Variants in MBD5 observed in about 807,000 individuals in gnomAD.
The protein encoded by MBD5 is methyl-CpG-binding domain protein 5.
MBD5 carries 13 observed loss-of-function variants against 117.3 expected under a neutral mutation model. The observed-to-expected ratio is 0.11, with a 90% CI of 0.07 to 0.18. MBD5 has a LOEUF of 0.18. Among genes scored for constraint, MBD5 ranks in the 10% least tolerant of loss-of-function variants. The pLI is 1.00. For missense variants in MBD5, 1,879 were observed against 2,093.8 expected, an observed-to-expected ratio of 0.90 and a Z score of 2.00; for synonymous variants, 727 against 766.4, an observed-to-expected ratio of 0.95 and a Z score of 0.85.
rs1308757459 is a variant in MBD5 at position 148,127,257 on chromosome 2, G to C, written c.-924-51443G>C. On this transcript the variant is annotated intron_variant, in intron 1 of 13. Coordinates refer to ENST00000642680, the MANE Select transcript of MBD5 (RefSeq NM_001378120.1). ...TCTTCAGCTTTTATTTCAAGTTCTG[G>C]GGTACTTGCGCAGGATATGCAGGTT... Among the ~76,000 whole-genome samples, 3 of 152,152 alleles carry C rather than the reference G, an allele frequency of 2.0e-5. 1 individual carries two copies. Among genetic ancestry groups the C allele is most frequent in the Non-Finnish European group, 4.4e-5 (3 of 67,988 alleles).
intron 4 of MBD5, among the ~76,000 whole-genome samples, chr2:148,362,627 C>T (rs1303222341): frequency 6.6e-6 from 1 of 152,310 alleles, no homozygotes; most frequent in Admixed American, 6.5e-5. Context: ...GCACAATGCT[C>T]GAGCTCCGCT....
chr2:148,032,480 G>A (rs1694066475), intron 1 of MBD5, among the ~76,000 whole-genome samples: 1 of 152,066 alleles, frequency 6.6e-6, no homozygotes, highest in Non-Finnish European at 1.5e-5. Flanking sequence ...AGTTTTCTGG[G>A]AAGAAGGAAT....
At chr2:148,482,174 G>A (rs974777581) in intron 8 of MBD5, among the ~76,000 whole-genome samples, 10 of 152,122 alleles carry the variant, frequency 6.6e-5, no homozygotes, top group African/African-American at 2.2e-4. Context: ...TCTAAAATAT[G>A]TAAACCCTTT....
At chr2:148,061,655 G>A (rs546801424) in intron 1 of MBD5, among the ~76,000 whole-genome samples, 1 of 151,832 alleles carries the variant, frequency 6.6e-6, no homozygotes, top group Non-Finnish European at 1.5e-5. Context: ...TGTGTCATCT[G>A]TGTGTGTAAT....
intron 7 of MBD5, among the ~76,000 whole-genome samples, chr2:148,467,251 T>C (rs1707292878): frequency 6.6e-6 from 1 of 152,138 alleles, no homozygotes; most frequent in African/African-American, 2.4e-5. Context: ...CTTTATAAAA[T>C]AGATATCGTA....
At chr2:148,512,750 C>A in intron 13 of MBD5, 120 bp from the exon 14 acceptor site, 1 of 865,132 alleles carries the variant, frequency 1.2e-6, no homozygotes, top group South Asian at 1.3e-5. Context: ...CTCAGGATAT[C>A]AGTAATTGAA....
chr2:148,303,820 T>C (rs1174666640), intron 3 of MBD5, among the ~76,000 whole-genome samples: 1 of 152,220 alleles, frequency 6.6e-6, no homozygotes, highest in Non-Finnish European at 1.5e-5. Context: ...TCTTTTTTTG[T>C]TATCAAAAAT....
At chr2:148,136,962 A>G (rs559780650) in intron 1 of MBD5, among the ~76,000 whole-genome samples, 30 of 152,166 alleles carry the variant, frequency 2.0e-4, no homozygotes, top group Admixed American at 1.0e-3. Flanking sequence ...TGTTTTCTCC[A>G]TGTTGGTCAG....
At chr2:148,326,930 C>T (rs1323957161) in intron 3 of MBD5, among the ~76,000 whole-genome samples, 3 of 150,698 alleles carry the variant, frequency 2.0e-5, no homozygotes, top group Admixed American at 6.6e-5. Context: ...TCTTCCCAGT[C>T]TCGATGGTCT....
chr2:148,474,146 G>C (rs1680883027), intron 8 of MBD5, among the ~76,000 whole-genome samples: 1 of 152,170 alleles, frequency 6.6e-6, no homozygotes, highest in Non-Finnish European at 1.5e-5. Context: ...ATTTCAGCAT[G>C]TGAGTAGCTA....
At chr2:148,099,164 CA>C (rs1370998549) in intron 1 of MBD5, among the ~76,000 whole-genome samples, 1 of 152,074 alleles carries the variant, frequency 6.6e-6, no homozygotes, top group African/African-American at 2.4e-5. Flanking sequence ...ATAAAAGTTA[CA>C]AGGCGTGAGT....
intron 1 of MBD5, among the ~76,000 whole-genome samples, chr2:148,142,068 C>T (rs1355995422): frequency 2.0e-5 from 3 of 151,820 alleles, no homozygotes; most frequent in South Asian, 2.1e-4. Context: ...ACAAAAAAAC[C>T]GAAGCGATAA....
chr2:148,297,950 A>G (rs1411109112), intron 3 of MBD5, among the ~76,000 whole-genome samples: 1 of 152,100 alleles, frequency 6.6e-6, no homozygotes, highest in Non-Finnish European at 1.5e-5. Context: ...CCTGGGCAAA[A>G]TCTTGGAACT....
intron 9 of MBD5, among the ~76,000 whole-genome samples, chr2:148,484,775 C>A (rs907295613): frequency 1.3e-5 from 2 of 151,816 alleles, no homozygotes; most frequent in East Asian, 1.9e-4. Context: ...CAAAATAGTT[C>A]GAAAATAATG....
intron 1 of MBD5, chr2:148,044,371 A>C (rs1234932796): frequency 2.0e-5 from 3 of 152,202 alleles, no homozygotes; most frequent in Admixed American, 2.0e-4. Context: ...TATTAAGCAG[A>C]AACATTTTTA....
At chr2:148,331,956 CAG>C (rs1470180437) in intron 3 of MBD5, among the ~76,000 whole-genome samples, 6 of 151,990 alleles carry the variant, frequency 3.9e-5, no homozygotes, top group Admixed American at 6.6e-5. Flanking sequence ...GTTTATGTAA[CAG>C]AAGATAAAAC....
intron 4 of MBD5, among the ~76,000 whole-genome samples, chr2:148,363,450 G>A (rs533298903): frequency 6.6e-6 from 1 of 152,168 alleles, no homozygotes; most frequent in Non-Finnish European, 1.5e-5. Context: ...AGCCAGGATG[G>A]TCTCAATCTC....
At chr2:148,253,076 A>G (rs1388758339) in intron 3 of MBD5, among the ~76,000 whole-genome samples, 5 of 152,146 alleles carry the variant, frequency 3.3e-5, no homozygotes, top group African/African-American at 1.2e-4. Context: ...TCTGAAACTC[A>G]GCAGTAAAAA....
intron 3 of MBD5, among the ~76,000 whole-genome samples, chr2:148,329,276 A>T (rs1364073237): frequency 6.6e-6 from 1 of 152,226 alleles, no homozygotes; most frequent in Non-Finnish European, 1.5e-5. Context: ...GCCAGAAAGA[A>T]AAGAAGTGCC....
Sources: allele counts gnomAD v4.1 joint callset (sites outside exome capture counted in the v4.1 genomes callset), GRCh38; gene constraint gnomAD v4.1.1; transcripts MANE v1.5; gene names NCBI Gene and HGNC (gene_info 2026-07-23, HGNC 2026-07-21).